IGF2BP2: variants seen among roughly 807,000 people sequenced by gnomAD.
The protein encoded by IGF2BP2 is insulin like growth factor 2 mRNA binding protein 2.
Under a neutral mutation model 75.8 loss-of-function variants are expected in IGF2BP2, and 17 were observed. That is an observed-to-expected ratio of 0.22 (90% CI 0.15 to 0.34). The LOEUF is 0.34. Among genes scored for constraint, IGF2BP2 ranks in the 10% least tolerant of loss-of-function variants. The pLI is 1.00. For missense variants in IGF2BP2, 516 were observed against 772.4 expected (o/e 0.67, Z 3.93); for synonymous variants, 288 against 295.6 (o/e 0.97, Z 0.26).
intron 15 of IGF2BP2, 37 bp downstream of exon 15, chr3:185,646,988 G>T: frequency 6.8e-7 from 1 of 1,476,594 alleles, no homozygotes; most frequent in Non-Finnish European, 9.5e-7. Flanking sequence ...ATTGAAAAGA[G>T]ACTTGCAGGA....
At chr3:185,757,897 A>G (rs1731853202) in intron 2 of IGF2BP2, among the ~76,000 whole-genome samples, 1 of 151,928 alleles carries the variant, frequency 6.6e-6, no homozygotes, top group African/African-American at 2.4e-5. Flanking sequence ...CCACACACAT[A>G]CCTCTGACCT....
intron 2 of IGF2BP2, among the ~76,000 whole-genome samples, chr3:185,703,717 T>A (rs1223291102): frequency 1.3e-5 from 2 of 151,980 alleles, no homozygotes; most frequent in East Asian, 3.9e-4. Context: ...GAGGCTGCAG[T>A]GAGCCGAGAC....
intron 3 of IGF2BP2, 68 bp from the exon 4 acceptor site, chr3:185,696,731 T>C (rs1722626327): frequency 2.4e-6 from 3 of 1,241,286 alleles, no homozygotes; most frequent in Non-Finnish European, 3.6e-6. Context: ...ACTACAGTGA[T>C]ATACCCCAGC....
At position 185,824,990 on chromosome 3, in the gene IGF2BP2, C is replaced by G. The variant is rs752610906; in HGVS notation, c.-30G>C. 1.4e-6 allele frequency: 2 copies of G among 1,459,956 alleles called. No homozygotes were observed. The highest frequency in any genetic ancestry group is 1.8e-6 in the Non-Finnish European group (2 of 1,088,338). 90.4% of individuals were successfully genotyped at this position (1,459,956 alleles called of 1,614,324 possible). On this transcript the variant is annotated 5_prime_UTR_variant, in exon 1 of 16. Coordinates refer to ENST00000382199, the MANE Select transcript of IGF2BP2 (RefSeq NM_006548.6). ...CTCTTCCCCGAGAGCCCGCGGCTCC[C>G]CCGGCCCGGTACCCGGCGCTCCTCG...
chr3:185,742,745 T>C (rs1729737804), intron 2 of IGF2BP2, among the ~76,000 whole-genome samples: 1 of 152,204 alleles, frequency 6.6e-6, no homozygotes, highest in African/African-American at 2.4e-5. Flanking sequence ...ATGTGTGAAG[T>C]ACAAAATATG....
At chr3:185,796,004 AAC>A (rs1261569137) in intron 2 of IGF2BP2, among the ~76,000 whole-genome samples, 7 of 152,258 alleles carry the variant, frequency 4.6e-5, no homozygotes, top group African/African-American at 7.2e-5. Context: ...TAGAGGAAAA[AAC>A]ACAGCACTGA....
At chr3:185,763,881 G>C (rs1732704984) in intron 2 of IGF2BP2, among the ~76,000 whole-genome samples, 1 of 152,150 alleles carries the variant, frequency 6.6e-6, no homozygotes, top group African/African-American at 2.4e-5. Flanking sequence ...TTGAAGGATG[G>C]AAAGTTGACG....
At chr3:185,804,892 C>A (rs1258378166) in intron 2 of IGF2BP2, among the ~76,000 whole-genome samples, 2 of 151,458 alleles carry the variant, frequency 1.3e-5, no homozygotes, top group South Asian at 2.1e-4. Context: ...ACTCGGGAGG[C>A]TGAGGCAGGA....
intron 2 of IGF2BP2, among the ~76,000 whole-genome samples, chr3:185,812,671 A>G (rs1740061100): frequency 6.6e-6 from 1 of 152,214 alleles, no homozygotes; most frequent in Admixed American, 6.5e-5. Context: ...CCCCTTTTCT[A>G]AACCAAATCT....
At chr3:185,703,110 T>C (rs1244843061) in intron 2 of IGF2BP2, among the ~76,000 whole-genome samples, 1 of 152,202 alleles carries the variant, frequency 6.6e-6, no homozygotes, top group Non-Finnish European at 1.5e-5. Flanking sequence ...CCTTCACCGA[T>C]TCTGGACTCT....
intron 2 of IGF2BP2, among the ~76,000 whole-genome samples, chr3:185,822,846 G>A (rs1431881331): frequency 6.6e-6 from 1 of 151,944 alleles, no homozygotes. Context: ...TGGGGGTAGG[G>A]GCGGGAGGTG....
intron 2 of IGF2BP2, among the ~76,000 whole-genome samples, chr3:185,700,276 G>A (rs1414362389): frequency 6.6e-6 from 1 of 152,174 alleles, no homozygotes; most frequent in African/African-American, 2.4e-5. Context: ...AGGGGCTCTA[G>A]TTTTCTCAGC....
chr3:185,730,762 T>C (rs1412196747), intron 2 of IGF2BP2, among the ~76,000 whole-genome samples: 1 of 152,120 alleles, frequency 6.6e-6, no homozygotes, highest in Non-Finnish European at 1.5e-5. Flanking sequence ...AGTGAGATGA[T>C]GGTAGTTCTA....
intron 2 of IGF2BP2, among the ~76,000 whole-genome samples, chr3:185,807,200 A>G (rs1739140390): frequency 6.6e-6 from 1 of 152,212 alleles, no homozygotes; most frequent in Non-Finnish European, 1.5e-5. Context: ...CAGAAAGGGA[A>G]CAATTAAACT....
At chr3:185,717,037 C>G (rs1220495915) in intron 2 of IGF2BP2, 1 of 330,828 alleles carries the variant, frequency 3.0e-6, no homozygotes, top group Non-Finnish European at 6.0e-6. Context: ...GCCCTTATGC[C>G]CATGGAACTG....
At chr3:185,655,140 T>C (rs899509634) in intron 12 of IGF2BP2, among the ~76,000 whole-genome samples, 7 of 152,208 alleles carry the variant, frequency 4.6e-5, no homozygotes, top group African/African-American at 1.7e-4. Flanking sequence ...TTTTTTACTT[T>C]TATTTTTTTG....
At chr3:185,746,537 G>A (rs557277445) in intron 2 of IGF2BP2, among the ~76,000 whole-genome samples, 2 of 152,270 alleles carry the variant, frequency 1.3e-5, no homozygotes, top group South Asian at 2.1e-4. Flanking sequence ...ACTGGAACAC[G>A]GGTCCAAACT....
At chr3:185,651,399 G>A (rs1233285326) in intron 13 of IGF2BP2, among the ~76,000 whole-genome samples, 1 of 151,910 alleles carries the variant, frequency 6.6e-6, no homozygotes, top group Non-Finnish European at 1.5e-5. Context: ...TTAGAGATGA[G>A]GTCTTGCTCT....
chr3:185,714,230 T>A (rs1725257408), intron 2 of IGF2BP2, among the ~76,000 whole-genome samples: 1 of 152,168 alleles, frequency 6.6e-6, no homozygotes, highest in Non-Finnish European at 1.5e-5. Context: ...TATAGGGTAG[T>A]ATTATTCTTT....
Sources: gnomAD v4.1 joint callset for allele counts (sites outside exome capture counted in the v4.1 genomes callset) on GRCh38, gnomAD v4.1.1 for gene constraint, MANE v1.5 for transcripts, NCBI Gene and HGNC (gene_info 2026-07-23, HGNC 2026-07-21) for gene names.